Variants in SOX5 observed in about 807,000 individuals in gnomAD.
SOX5 encodes SRY-box transcription factor 5, also known as transcription factor SOX-5.
In SOX5, 9 loss-of-function variants were observed where a neutral mutation model predicts 92.0. That is an observed-to-expected ratio of 0.10 (90% CI 0.06 to 0.17). The LOEUF (loss-of-function observed/expected upper bound fraction) is 0.17, where lower values mean the gene tolerates loss of function less well. SOX5 is among the 10% of genes least tolerant of loss of function. The pLI is 1.00. For synonymous variants in SOX5, 344 were observed against 336.3 expected, an observed-to-expected ratio of 1.02 and a Z score of -0.25; for missense variants, 642 against 944.5, an observed-to-expected ratio of 0.68 and a Z score of 4.20.
intron 2 of SOX5, among the ~76,000 whole-genome samples, chr12:23,853,784 GGAT>G (rs1408442794): frequency 7.2e-5 from 11 of 151,952 alleles, no homozygotes; most frequent in South Asian, 2.1e-4. Flanking sequence ...ATCTTCCTGG[GGAT>G]GATATGTGCT....
intron 3 of SOX5, among the ~76,000 whole-genome samples, chr12:23,778,309 A>G (rs897722746): frequency 7.9e-5 from 12 of 152,250 alleles, no homozygotes; most frequent in African/African-American, 2.7e-4. Flanking sequence ...ACATTTAGAC[A>G]CAAAGGAAAG....
chr12:24,445,038 T>C (rs1438309405), intron 1 of SOX5, among the ~76,000 whole-genome samples: 1 of 152,174 alleles, frequency 6.6e-6, no homozygotes, highest in Non-Finnish European at 1.5e-5. Context: ...AGAACTGAGA[T>C]AGTAACTGAT....
At chr12:24,403,059 C>CA (rs989440342) in intron 1 of SOX5, among the ~76,000 whole-genome samples, 3 of 152,202 alleles carry the variant, frequency 2.0e-5, no homozygotes, top group Non-Finnish European at 4.4e-5. Context: ...ACTCCAATCC[C>CA]ATTCTCTGTT....
chr12:24,270,430 A>G (rs189027620), intron 3 of SOX5, among the ~76,000 whole-genome samples: 1 of 152,322 alleles, frequency 6.6e-6, no homozygotes, highest in Non-Finnish European at 1.5e-5. Context: ...TTTAATTTAT[A>G]CTATTTGCCA....
intron 9 of SOX5, among the ~76,000 whole-genome samples, chr12:23,579,026 G>A (rs1949669980): frequency 6.6e-6 from 1 of 152,180 alleles, no homozygotes. Context: ...AGATATTTAT[G>A]AGCACAGAGG....
intron 4 of SOX5, among the ~76,000 whole-genome samples, chr12:24,206,422 C>G (rs964028363): frequency 2.6e-5 from 4 of 152,150 alleles, no homozygotes; most frequent in African/African-American, 9.7e-5. Context: ...AGTCCAGACA[C>G]TTAAGAGCCA....
At chr12:24,204,324 A>ATTTT (rs201648285) in intron 4 of SOX5, among the ~76,000 whole-genome samples, 5 of 150,162 alleles carry the variant, frequency 3.3e-5, no homozygotes, top group East Asian at 2.0e-4. Flanking sequence ...TATTATTATT[A>ATTTT]TTAATTATTA....
intron 4 of SOX5, among the ~76,000 whole-genome samples, chr12:24,139,486 T>C (rs1565514026): frequency 6.6e-6 from 1 of 152,220 alleles, no homozygotes; most frequent in African/African-American, 2.4e-5. Flanking sequence ...TGCTCCATGA[T>C]TGAATTTTTA....
chr12:24,179,313 C>T (rs1955196205), intron 4 of SOX5, among the ~76,000 whole-genome samples: 1 of 152,146 alleles, frequency 6.6e-6, no homozygotes, highest in Non-Finnish European at 1.5e-5. Context: ...ACAGATGGTC[C>T]TGACTTAAAA....
intron 4 of SOX5, among the ~76,000 whole-genome samples, chr12:24,076,031 T>G (rs963525205): frequency 6.6e-6 from 1 of 152,126 alleles, no homozygotes; most frequent in Non-Finnish European, 1.5e-5. Flanking sequence ...ATGAAAATGG[T>G]TGTAACTTTC....
chr12:23,672,877 T>C (rs937418104), intron 6 of SOX5, among the ~76,000 whole-genome samples: 1 of 152,146 alleles, frequency 6.6e-6, no homozygotes, highest in Non-Finnish European at 1.5e-5. Flanking sequence ...TTAAAAATTC[T>C]TGTTGTTTTA....
chr12:24,465,759 T>C (rs1230017214), intron 1 of SOX5, among the ~76,000 whole-genome samples: 2 of 152,190 alleles, frequency 1.3e-5, no homozygotes, highest in Non-Finnish European at 2.9e-5. Context: ...ATGTGGTAAA[T>C]GGCACTCAAA....
intron 3 of SOX5, among the ~76,000 whole-genome samples, chr12:23,782,096 C>T (rs1054652995): frequency 2.0e-5 from 3 of 151,898 alleles, no homozygotes; most frequent in Admixed American, 6.6e-5. Flanking sequence ...ATTCTAATAT[C>T]CACTAGTATA....
At chr12:23,941,844 C>T (rs1037939040) in intron 1 of SOX5, among the ~76,000 whole-genome samples, 19 of 150,486 alleles carry the variant, frequency 1.3e-4, no homozygotes, top group African/African-American at 4.6e-4. Flanking sequence ...TCTTAGAGTA[C>T]AGATAAGAAA....
At chr12:23,578,884 T>C (rs1949638936) in intron 9 of SOX5, among the ~76,000 whole-genome samples, 1 of 152,168 alleles carries the variant, frequency 6.6e-6, no homozygotes, top group South Asian at 2.1e-4. Flanking sequence ...TTTTGGGAGA[T>C]GCTTGGATCA....
intron 3 of SOX5, among the ~76,000 whole-genome samples, chr12:23,838,097 T>G (rs1781530349): frequency 7.2e-6 from 1 of 138,970 alleles, no homozygotes; most frequent in Non-Finnish European, 1.5e-5. Flanking sequence ...ATATTTATAC[T>G]TATATACTAT....
At chr12:24,161,715 T>C (rs1463749167) in intron 4 of SOX5, among the ~76,000 whole-genome samples, 1 of 152,060 alleles carries the variant, frequency 6.6e-6, no homozygotes, top group Non-Finnish European at 1.5e-5. Flanking sequence ...TAATTTAAAT[T>C]GTCATCCATA....
At chr12:24,444,113 A>T (rs1377420416) in intron 1 of SOX5, among the ~76,000 whole-genome samples, 1 of 152,210 alleles carries the variant, frequency 6.6e-6, no homozygotes, top group Non-Finnish European at 1.5e-5. Context: ...TGCCTAAAAG[A>T]TGCTAGAAGA....
intron 4 of SOX5, among the ~76,000 whole-genome samples, chr12:23,981,751 G>T (rs1425805598): frequency 6.6e-6 from 1 of 152,068 alleles, no homozygotes; most frequent in Non-Finnish European, 1.5e-5. Context: ...AGAGGCTAAA[G>T]ACTGTTATCA....
Sources: allele counts gnomAD v4.1 joint callset (sites outside exome capture counted in the v4.1 genomes callset), GRCh38; gene constraint gnomAD v4.1.1; transcripts MANE v1.5; gene names NCBI Gene and HGNC (gene_info 2026-07-23, HGNC 2026-07-21).